The following LIPI variants were observed in gnomAD, a reference collection of about 807,000 sequenced individuals.
LIPI encodes lipase member I.
LIPI carries 59 observed loss-of-function variants against 50.6 expected under a neutral mutation model. The ratio of observed to expected loss-of-function variants is 1.16; its 90% CI spans 0.94 to 1.45. LIPI has a LOEUF of 1.45. Among genes scored for constraint, LIPI ranks in the 40% most tolerant of loss-of-function variants. The pLI is 0.00. For missense variants in LIPI, 586 were observed against 536.3 expected (o/e 1.09, Z -0.92); for synonymous variants, 203 against 178.2 (o/e 1.14, Z -1.11).
At chr21:14,146,604 A>G (rs773665295) in intron 8 of LIPI, among the ~76,000 whole-genome samples, 8 of 152,044 alleles carry the variant, frequency 5.3e-5, no homozygotes, top group Non-Finnish European at 1.0e-4. Flanking sequence ...CAAAAGAAAA[A>G]TCCAACTGTG....
At chr21:14,154,735 AT>A (rs1204735328) in intron 7 of LIPI, among the ~76,000 whole-genome samples, 1 of 152,106 alleles carries the variant, frequency 6.6e-6, no homozygotes, top group Non-Finnish European at 1.5e-5. Context: ...AAGCAAAAAA[AT>A]AAGTTAGTCG....
At chr21:14,161,707 ATT>A (rs2018486448) in intron 7 of LIPI, among the ~76,000 whole-genome samples, 1 of 94,256 alleles carries the variant, frequency 1.1e-5, no homozygotes, top group African/African-American at 4.5e-5. Flanking sequence ...TATATACATT[ATT>A]ATATATTAAT....
rs575018373 is a variant in LIPI, at chr21:14,141,311, G to A, written c.1295+3312C>T. On this transcript the variant is annotated intron_variant, in intron 9 of 9. Coordinates refer to ENST00000681601, the MANE Select transcript of LIPI (RefSeq NM_001302998.2). Reference sequence around the variant, plus strand: ...ATATCTCCTTATTCTATAAGTTATTGATAAATATATTTTCTACATTATTGG... The same window carrying A: ...ATATCTCCTTATTCTATAAGTTATTAATAAATATATTTTCTACATTATTGG... 1.1e-3 allele frequency among the ~76,000 whole-genome samples: 169 copies of A among 151,012 alleles called. No individual in the cohort carries two copies. In the Middle Eastern group the frequency reaches 0.034, roughly 31 times the overall value.
At chr21:14,117,955 G>T (rs2016718122) in intron 9 of LIPI, among the ~76,000 whole-genome samples, 1 of 152,008 alleles carries the variant, frequency 6.6e-6, no homozygotes, top group South Asian at 2.1e-4. Flanking sequence ...CATGGATGTG[G>T]TCACAGTAGA....
intron 9 of LIPI, among the ~76,000 whole-genome samples, chr21:14,132,036 C>G (rs1238578705): frequency 6.6e-6 from 1 of 151,994 alleles, no homozygotes; most frequent in African/African-American, 2.4e-5. Context: ...AGCAAATAAA[C>G]AAACAAAAAA....
intron 1 of LIPI, among the ~76,000 whole-genome samples, chr21:14,196,219 A>C (rs1042444076): frequency 6.6e-6 from 1 of 151,584 alleles, no homozygotes; most frequent in African/African-American, 2.4e-5. Context: ...GTGTAATTTA[A>C]TACTACCCAG....
At chr21:14,135,308 A>C (rs1294898854) in intron 9 of LIPI, among the ~76,000 whole-genome samples, 1 of 152,142 alleles carries the variant, frequency 6.6e-6, no homozygotes, top group Admixed American at 6.5e-5. Flanking sequence ...TCAAGTTAAC[A>C]AGTATCTACA....
chr21:14,145,216 C>T (rs979050392), intron 8 of LIPI, among the ~76,000 whole-genome samples: 3 of 151,968 alleles, frequency 2.0e-5, no homozygotes, highest in Non-Finnish European at 4.4e-5. Context: ...CTTATAAAGG[C>T]CTGAGATTCA....
chr21:14,134,378 T>C (rs1018031999), intron 9 of LIPI, among the ~76,000 whole-genome samples: 4 of 152,074 alleles, frequency 2.6e-5, no homozygotes, highest in Non-Finnish European at 4.4e-5. Flanking sequence ...CCCAAAGCAA[T>C]CTATAGATTC....
intron 1 of LIPI, among the ~76,000 whole-genome samples, chr21:14,194,028 T>C (rs886356472): frequency 6.6e-6 from 1 of 152,122 alleles, no homozygotes. Flanking sequence ...CATAAGCTTA[T>C]GAAAACAAGC....
chr21:14,189,178 G>A lies in LIPI; in HGVS notation c.288C>T (p.Phe96=), dbSNP rs548960957. The change falls in exon 2 of 10, where the codon TTC becomes TTT. Residue 96 remains phenylalanine, a synonymous_variant. Coordinates refer to ENST00000681601, the MANE Select transcript of LIPI (RefSeq NM_001302998.2). The part of the protein sequence containing the change: ...VGSIPLWLQN[F]VRILLNEEDM... Reference sequence around the variant, plus strand: ...CTTCTTCATTCAGCAAAATCCTTACGAAGTTCTGAAGCCATAATGGGATGG... The same window carrying A: ...CTTCTTCATTCAGCAAAATCCTTACAAAGTTCTGAAGCCATAATGGGATGG... 8.8e-5 allele frequency: 142 copies of A among 1,614,078 alleles called. No individual in the cohort carries two copies. The highest frequency in any genetic ancestry group is 1.1e-4 in the Non-Finnish European group (135 of 1,179,988).
intron 9 of LIPI, among the ~76,000 whole-genome samples, chr21:14,131,694 C>T (rs73894142): frequency 0.012 from 1,792 of 152,168 alleles, 33 homozygotes; most frequent in African/African-American, 0.041. Flanking sequence ...CGCAACAGTA[C>T]TCAAGCAATA....
chr21:14,195,534 A>G (rs1192281713), intron 1 of LIPI, among the ~76,000 whole-genome samples: 1 of 152,194 alleles, frequency 6.6e-6, no homozygotes, highest in Non-Finnish European at 1.5e-5. Context: ...TTATCTGGCA[A>G]AGGACAGGCT....
At chr21:14,199,250 C>T (rs189649639) in intron 1 of LIPI, among the ~76,000 whole-genome samples, 15 of 151,774 alleles carry the variant, frequency 9.9e-5, no homozygotes, top group Admixed American at 6.6e-4. Context: ...AAAATCAGAG[C>T]TGAACTGACG....
chr21:14,137,400 A>C (rs2017539155), intron 9 of LIPI, among the ~76,000 whole-genome samples: 1 of 152,206 alleles, frequency 6.6e-6, no homozygotes, highest in South Asian at 2.1e-4. Flanking sequence ...GAAATAATTA[A>C]AAAGAATCAA....
chr21:14,202,610 T>C (rs1243450445), intron 1 of LIPI, among the ~76,000 whole-genome samples: 1 of 152,150 alleles, frequency 6.6e-6, no homozygotes, highest in Non-Finnish European at 1.5e-5. Context: ...TAAATGGTGC[T>C]GGGAAAACTG....
chr21:14,151,053 A>G (rs572027737), intron 8 of LIPI, among the ~76,000 whole-genome samples: 1 of 152,304 alleles, frequency 6.6e-6, no homozygotes, highest in South Asian at 2.1e-4. Flanking sequence ...CCAGGGTACT[A>G]TCTCAGGATA....
At chr21:14,186,817 G>T (rs1007660229) in intron 2 of LIPI, among the ~76,000 whole-genome samples, 3 of 152,164 alleles carry the variant, frequency 2.0e-5, no homozygotes, top group African/African-American at 7.2e-5. Context: ...CAGTGAAAAG[G>T]CATAATCTAT....
At chr21:14,165,498 G>T in intron 5 of LIPI, 108 bp from the exon 6 acceptor site, 6 of 736,886 alleles carry the variant, frequency 8.1e-6, no homozygotes, top group Non-Finnish European at 4.6e-6. Flanking sequence ...TGTACCTTAT[G>T]AATATTACTG....
Sources: allele counts gnomAD v4.1 joint callset (sites outside exome capture counted in the v4.1 genomes callset), GRCh38; gene constraint gnomAD v4.1.1; transcripts MANE v1.5; gene names NCBI Gene and HGNC (gene_info 2026-07-23, HGNC 2026-07-21).